Variants in PAX5 observed in about 807,000 individuals in gnomAD.
PAX5 encodes the protein paired box protein Pax-5.
PAX5 carries 9 observed loss-of-function variants against 43.7 expected under a neutral mutation model. That is an observed-to-expected ratio of 0.21 (90% confidence interval 0.12 to 0.36). PAX5 has a LOEUF of 0.36. Ranked by LOEUF, PAX5 falls within the 10% of genes least tolerant of loss-of-function variation. The pLI is 1.00. For synonymous variants in PAX5, 228 were observed against 214.3 expected, an observed-to-expected ratio of 1.06 and a Z score of -0.56; for missense variants, 383 against 532.7, an observed-to-expected ratio of 0.72 and a Z score of 2.77.
intron 2 of PAX5, among the ~76,000 whole-genome samples, chr9:37,018,778 TA>T (rs1188323776): frequency 6.6e-6 from 1 of 152,134 alleles, no homozygotes; most frequent in Admixed American, 6.5e-5. Flanking sequence ...GAGCGGCGCG[TA>T]ACTTCCGAGT....
chr9:36,982,982 G>A (rs1039637690), intron 5 of PAX5, among the ~76,000 whole-genome samples: 1 of 152,154 alleles, frequency 6.6e-6, no homozygotes, highest in Non-Finnish European at 1.5e-5. Flanking sequence ...GAGGAAGTAT[G>A]GCATTTAATG....
intron 5 of PAX5, among the ~76,000 whole-genome samples, chr9:36,993,790 CT>C (rs1337594766): frequency 6.6e-6 from 1 of 152,164 alleles, no homozygotes; most frequent in African/African-American, 2.4e-5. Context: ...CTATATCCCC[CT>C]CCATCGGCCC....
intron 6 of PAX5, among the ~76,000 whole-genome samples, chr9:36,933,641 T>C (rs571486954): frequency 6.6e-6 from 1 of 152,190 alleles, no homozygotes; most frequent in African/African-American, 2.4e-5. Context: ...TGAAGGGCCC[T>C]GGCCACACAC....
At chr9:36,872,780 G>C (rs1825601175) in intron 8 of PAX5, among the ~76,000 whole-genome samples, 1 of 152,132 alleles carries the variant, frequency 6.6e-6, no homozygotes, top group African/African-American at 2.4e-5. Flanking sequence ...CACCCTATGA[G>C]GGCACAGGCA....
At chr9:36,987,986 G>A (rs1836586205) in intron 5 of PAX5, among the ~76,000 whole-genome samples, 2 of 152,314 alleles carry the variant, frequency 1.3e-5, no homozygotes, top group South Asian at 4.1e-4. Context: ...GCTGGATGGC[G>A]TTTGTGTCTG....
At chr9:37,011,254 G>A (rs1351370757) in intron 3 of PAX5, among the ~76,000 whole-genome samples, 1 of 152,160 alleles carries the variant, frequency 6.6e-6, no homozygotes, top group Non-Finnish European at 1.5e-5. Flanking sequence ...CCCGGGACAA[G>A]TTTTGTTAGC....
intron 8 of PAX5, among the ~76,000 whole-genome samples, chr9:36,860,304 T>G (rs1390701346): frequency 6.6e-6 from 1 of 151,912 alleles, no homozygotes; most frequent in Non-Finnish European, 1.5e-5. Flanking sequence ...ACCACTGCAC[T>G]CCAGCCTGGG....
intron 4 of PAX5, among the ~76,000 whole-genome samples, chr9:37,006,185 G>C (rs1384404576): frequency 5.4e-5 from 8 of 148,810 alleles, no homozygotes; most frequent in Admixed American, 4.1e-4. Context: ...TTAATTATCT[G>C]ACATTCTATA....
chr9:36,993,139 A>T (rs1292537992), intron 5 of PAX5, among the ~76,000 whole-genome samples: 1 of 152,250 alleles, frequency 6.6e-6, no homozygotes, highest in African/African-American at 2.4e-5. Flanking sequence ...TGAATACAGC[A>T]GCAGCTATGA....
chr9:36,949,758 T>C (rs1290269534), intron 6 of PAX5, among the ~76,000 whole-genome samples: 1 of 152,228 alleles, frequency 6.6e-6, no homozygotes, highest in East Asian at 1.9e-4. Flanking sequence ...CAGGCCTTTC[T>C]GGGCCAGGCA....
At chr9:36,973,165 G>T (rs866863579) in intron 5 of PAX5, among the ~76,000 whole-genome samples, 1 of 90,080 alleles carries the variant, frequency 1.1e-5, no homozygotes, top group African/African-American at 3.6e-5. Context: ...GAAAGGAAAG[G>T]AAAGGAAAGG....
chr9:36,962,906 C>T (rs966591512), intron 6 of PAX5, among the ~76,000 whole-genome samples: 3 of 152,216 alleles, frequency 2.0e-5, no homozygotes, highest in Non-Finnish European at 2.9e-5. Flanking sequence ...CGCCATGCCA[C>T]GCTGGGGCTC....
At chr9:36,974,535 G>A (rs1050343245) in intron 5 of PAX5, among the ~76,000 whole-genome samples, 4 of 152,124 alleles carry the variant, frequency 2.6e-5, no homozygotes, top group Non-Finnish European at 5.9e-5. Context: ...AAGTGGCAAC[G>A]CTGGGATTTG....
intron 6 of PAX5, among the ~76,000 whole-genome samples, chr9:36,940,318 A>G (rs747449051): frequency 2.0e-5 from 3 of 152,342 alleles, no homozygotes; most frequent in South Asian, 4.1e-4. Context: ...TGTCATTTAC[A>G]TAATGGCATT....
At chr9:36,868,182 G>A (rs372397823) in intron 8 of PAX5, among the ~76,000 whole-genome samples, 1 of 152,262 alleles carries the variant, frequency 6.6e-6, no homozygotes, top group South Asian at 2.1e-4. Context: ...AGGACTGGGG[G>A]CGTGCCAGTA....
At chr9:36,969,582 C>G (rs906552449) in intron 5 of PAX5, among the ~76,000 whole-genome samples, 2 of 152,256 alleles carry the variant, frequency 1.3e-5, no homozygotes, top group African/African-American at 2.4e-5. Flanking sequence ...GCACAGGCAG[C>G]CTCGCTGGAC....
intron 3 of PAX5, among the ~76,000 whole-genome samples, chr9:37,008,319 G>A (rs1428772250): frequency 6.6e-6 from 1 of 152,210 alleles, no homozygotes; most frequent in Non-Finnish European, 1.5e-5. Context: ...CTCCCAAAGT[G>A]CTGGGATTAC....
chr9:36,842,344 G>A (rs1021984647), intron 9 of PAX5, among the ~76,000 whole-genome samples: 4 of 152,132 alleles, frequency 2.6e-5, no homozygotes, highest in Non-Finnish European at 5.9e-5. Flanking sequence ...CACGAAGGCA[G>A]GGTAATCACA....
At chr9:36,971,001 C>A (rs956038646) in intron 5 of PAX5, among the ~76,000 whole-genome samples, 1 of 152,208 alleles carries the variant, frequency 6.6e-6, no homozygotes, top group African/African-American at 2.4e-5. Context: ...GTGTGACAAG[C>A]ACCATCACTC....
Sources: gnomAD v4.1 joint callset for allele counts (sites outside exome capture counted in the v4.1 genomes callset) on GRCh38, gnomAD v4.1.1 for gene constraint, MANE v1.5 for transcripts, NCBI Gene and HGNC (gene_info 2026-07-23, HGNC 2026-07-21) for gene names.